The following KDM5B variants were observed in gnomAD, a reference collection of about 807,000 sequenced individuals.
KDM5B encodes the protein lysine-specific demethylase 5B.
In KDM5B, 144 loss-of-function variants were observed where a neutral mutation model predicts 193.4. The ratio of observed to expected loss-of-function variants is 0.74; its 90% CI spans 0.65 to 0.86. The LOEUF (loss-of-function observed/expected upper bound fraction) is 0.86. Among genes scored for constraint, KDM5B ranks in the 40% least tolerant of loss-of-function variants. The pLI, the probability that KDM5B is intolerant of heterozygous loss-of-function variation, is 0.00. For synonymous variants in KDM5B, 668 were observed against 682.6 expected (o/e 0.98, Z 0.33); for missense variants, 1,833 against 1,886.9 (o/e 0.97, Z 0.53).
intron 1 of KDM5B, among the ~76,000 whole-genome samples, chr1:202,787,151 T>A (rs952333179): frequency 2.6e-5 from 4 of 152,096 alleles, no homozygotes; most frequent in African/African-American, 4.8e-5. Context: ...CAAGTATACA[T>A]GCATGCCACC....
intron 1 of KDM5B, among the ~76,000 whole-genome samples, chr1:202,803,727 G>A (rs1456551662): frequency 1.3e-5 from 2 of 151,996 alleles, no homozygotes; most frequent in Non-Finnish European, 1.5e-5. Context: ...GCTGAGGCAG[G>A]AGAATCGCTT....
chr1:202,800,403 T>G (rs2102346460), intron 1 of KDM5B, among the ~76,000 whole-genome samples: 1 of 152,142 alleles, frequency 6.6e-6, no homozygotes, highest in East Asian at 1.9e-4. Flanking sequence ...TGCAGTGGCG[T>G]GATCAGGGCT....
In KDM5B at chr1:202,756,824, C is replaced by T. The variant is rs559697498; in HGVS notation, c.1198-308G>A. ...ATAATGGTTAGTTGTGTCTGAATGA[C>T]GTATAGCACTGTACAGTTGACAACA... On this transcript the variant is annotated intron_variant, in intron 9 of 26. Transcript: ENST00000367265. 5.5e-4 allele frequency among the ~76,000 whole-genome samples: 84 copies of T among 152,244 alleles called. 1 individual carries two copies. In the South Asian group the frequency reaches 0.017, roughly 31 times the overall value.
At chr1:202,765,426 C>T (rs1404103418) in intron 5 of KDM5B, among the ~76,000 whole-genome samples, 1 of 152,168 alleles carries the variant, frequency 6.6e-6, no homozygotes, top group Non-Finnish European at 1.5e-5. Context: ...TTTATTCATA[C>T]ATTTTAATGA....
rs766875811 is a variant in KDM5B at position 202,774,602 on chromosome 1, T to C, written c.405+11A>G. 21 of 1,603,090 alleles carry C rather than the reference T, an allele frequency of 1.3e-5. No homozygotes were observed. In the Admixed American group the frequency reaches 3.6e-4, roughly 27 times the overall value. ...ATTATAAAATAAGTAAGATGGTCATTAGCTCTTTACCTTATTAAGCTGAAA... is the reference window on the plus strand; with the variant it reads ...ATTATAAAATAAGTAAGATGGTCATCAGCTCTTTACCTTATTAAGCTGAAA... On this transcript the variant is annotated intron_variant, in intron 3 of 26. Transcript: ENST00000367265.
intron 12 of KDM5B, among the ~76,000 whole-genome samples, chr1:202,752,494 T>G (rs189181425): frequency 1.8e-4 from 27 of 152,320 alleles, no homozygotes; most frequent in African/African-American, 6.5e-4. Context: ...TAGCAACGCA[T>G]TTCTCAGAAC....
intron 10 of KDM5B, 128 bp downstream of exon 10, chr1:202,756,230 T>C (rs894235022): frequency 1.3e-6 from 1 of 790,008 alleles, no homozygotes; most frequent in Non-Finnish European, 2.0e-6. Context: ...GTAGGCTCTT[T>C]CTACTTTTCT....
In KDM5B at chr1:202,736,254, T is replaced by C. The variant is rs1655089439; in HGVS notation, c.3223A>G (p.Asn1075Asp). The stretch of plus-strand genomic sequence containing the variant: ...GGAGAATTCTCAGTCAAGAATGTAT[T>C]AACAGCACATTCTTTCCAAGCCTGA... Reference protein sequence around the residue: ...EVQAWKECAVNTFLTENSPYS... With the variant: ...EVQAWKECAVDTFLTENSPYS... The change falls in exon 21 of 27, where the codon AAT (asparagine) becomes GAT (aspartate). Residue 1075 changes from asparagine (N) to aspartate (D), a missense_variant. Coordinates refer to ENST00000367265, the MANE Select transcript of KDM5B (RefSeq NM_006618.5). 6.2e-7 allele frequency: 1 copy of C among 1,605,968 alleles called. No homozygotes were observed. Among genetic ancestry groups the C allele is most frequent in the Non-Finnish European group, 8.5e-7 (1 of 1,176,198 alleles).
intron 1 of KDM5B, among the ~76,000 whole-genome samples, chr1:202,805,102 T>C (rs1400081642): frequency 6.6e-6 from 1 of 152,078 alleles, no homozygotes; most frequent in Admixed American, 6.5e-5. Flanking sequence ...TAAACAGACA[T>C]CTAAGTACAG....
intron 9 of KDM5B, among the ~76,000 whole-genome samples, 163 bp from the exon 10 acceptor site, chr1:202,756,679 G>C (rs1229441214): frequency 6.6e-6 from 1 of 152,108 alleles, no homozygotes; most frequent in African/African-American, 2.4e-5. Context: ...TGTCTAAAAG[G>C]AATTTATGTT....
chr1:202,777,000 A>G lies in KDM5B; in HGVS notation c.282+17T>C. 6.4e-7 allele frequency: 1 copy of G among 1,553,362 alleles called. No homozygotes were observed. The highest frequency in any genetic ancestry group is 8.9e-7 in the Non-Finnish European group (1 of 1,125,136). On this transcript the variant is annotated intron_variant, in intron 2 of 26. Coordinates refer to ENST00000367265, the MANE Select transcript of KDM5B (RefSeq NM_006618.5). ...CCCCTGGAATACAGGCAAACAGAAC[A>G]ATAGTGAAGACATTACCTCCAATTC...
At chr1:202,802,294 T>C (rs936263932) in intron 1 of KDM5B, among the ~76,000 whole-genome samples, 1 of 152,216 alleles carries the variant, frequency 6.6e-6, no homozygotes, top group Non-Finnish European at 1.5e-5. Context: ...CAATGAAAGG[T>C]TACAAAAGTC....
chr1:202,759,550 CAAA>C (rs67515433), intron 8 of KDM5B, among the ~76,000 whole-genome samples: 92 of 115,752 alleles, frequency 7.9e-4, no homozygotes, highest in East Asian at 1.0e-3. Context: ...GATCCTGTCT[CAAA>C]AAAAAAAAAA....
rs1390074399 is a variant in KDM5B at position 202,732,107 on chromosome 1, C to T, written c.3910-168G>A. 7.1e-6 allele frequency: 4 copies of T among 562,790 alleles called. No individual in the cohort carries two copies. The African/African-American group carries it at 7.8e-5, about 11-fold the overall frequency. 34.9% of individuals were successfully genotyped at this position (562,790 alleles called of 1,614,324 possible). On this transcript the variant is annotated intron_variant, in intron 23 of 26. Transcript: ENST00000367265. Reference sequence around the variant, plus strand: ...AGTCTCCTGGCATTTCAGAACTGGCCAAATCAACTCATATCTTCCCAAAGA... The same window carrying T: ...AGTCTCCTGGCATTTCAGAACTGGCTAAATCAACTCATATCTTCCCAAAGA...
At chr1:202,767,774 C>T (rs1349153253) in intron 4 of KDM5B, among the ~76,000 whole-genome samples, 1 of 152,108 alleles carries the variant, frequency 6.6e-6, no homozygotes, top group African/African-American at 2.4e-5. Flanking sequence ...CAGGCCATAA[C>T]AGTCTCAAGG....
intron 9 of KDM5B, among the ~76,000 whole-genome samples, chr1:202,757,102 G>A (rs911239246): frequency 6.6e-6 from 1 of 152,056 alleles, no homozygotes; most frequent in Non-Finnish European, 1.5e-5. Context: ...GAGGTGGGGG[G>A]GGGATTAGAT....
intron 1 of KDM5B, among the ~76,000 whole-genome samples, chr1:202,787,953 G>T (rs1488000217): frequency 6.6e-6 from 1 of 152,072 alleles, no homozygotes; most frequent in African/African-American, 2.4e-5. Flanking sequence ...AGCTGAAAGG[G>T]GGGAGTTTTC....
intron 1 of KDM5B, among the ~76,000 whole-genome samples, chr1:202,795,252 C>A (rs1657794764): frequency 1.3e-5 from 1 of 76,368 alleles, no homozygotes; most frequent in Admixed American, 1.4e-4. Flanking sequence ...ATAAAAGTTA[C>A]ATGAATGTAG....
chr1:202,745,995 C>T lies in KDM5B; in HGVS notation c.2199-13G>A, dbSNP rs1368024183. The stretch of plus-strand genomic sequence containing the variant: ...CGTGTACCTATACCTGGAAATAATA[C>T]CACCACACTTAGCTTTGAGACGTGT... On this transcript the variant is annotated splice_polypyrimidine_tract_variant and intron_variant, in intron 15 of 26. Coordinates refer to ENST00000367265, the MANE Select transcript of KDM5B (RefSeq NM_006618.5). 1.9e-6 allele frequency: 3 copies of T among 1,613,608 alleles called. No individual in the cohort carries two copies. The South Asian group carries it at 3.3e-5, about 18-fold the overall frequency.
Sources: allele counts gnomAD v4.1 joint callset (sites outside exome capture counted in the v4.1 genomes callset), GRCh38; gene constraint gnomAD v4.1.1; transcripts MANE v1.5; gene names NCBI Gene and HGNC (gene_info 2026-07-23, HGNC 2026-07-21).